Variants in PCSK5 observed in about 807,000 individuals in gnomAD.
PCSK5 encodes the protein proprotein convertase subtilisin/kexin type 5, also known as prohormone convertase 5.
PCSK5 carries 129 observed loss-of-function variants against 233.2 expected under a neutral mutation model. The ratio of observed to expected loss-of-function variants is 0.55; its 90% CI spans 0.48 to 0.64. The LOEUF (loss-of-function observed/expected upper bound fraction) is 0.64. PCSK5 is among the 30% of genes least tolerant of loss of function. PCSK5 has a pLI of 0.00. For synonymous variants in PCSK5, 825 were observed against 879.2 expected (o/e 0.94, Z 1.09); for missense variants, 2,076 against 2,430.1 (o/e 0.85, Z 3.06).
At chr9:75,947,711 C>G (rs1433218228) in intron 2 of PCSK5, among the ~76,000 whole-genome samples, 1 of 152,086 alleles carries the variant, frequency 6.6e-6, no homozygotes, top group Admixed American at 6.6e-5. Flanking sequence ...CACTTTTGTG[C>G]AGAGAAAAAA....
intron 36 of PCSK5, among the ~76,000 whole-genome samples, chr9:76,351,258 C>T (rs1328830080): frequency 6.6e-6 from 1 of 151,844 alleles, no homozygotes; most frequent in Admixed American, 6.6e-5. Flanking sequence ...ATACAAACTA[C>T]CTTCTCTCTT....
chr9:76,354,467 A>C (rs534919928), intron 37 of PCSK5, among the ~76,000 whole-genome samples: 2 of 152,222 alleles, frequency 1.3e-5, no homozygotes, highest in Non-Finnish European at 2.9e-5. Flanking sequence ...TGCCAAGTCC[A>C]TACCAATATT....
intron 20 of PCSK5, among the ~76,000 whole-genome samples, chr9:76,191,056 C>CT (rs1256779159): frequency 6.8e-6 from 1 of 147,578 alleles, no homozygotes; most frequent in Non-Finnish European, 1.5e-5. Flanking sequence ...ATTTTGTGAA[C>CT]TTTTTTGACT....
chr9:75,959,262 T>C (rs762028088), intron 2 of PCSK5, among the ~76,000 whole-genome samples: 6 of 152,110 alleles, frequency 3.9e-5, no homozygotes, highest in African/African-American at 7.2e-5. Context: ...GGAAGAAGAC[T>C]GGGGAAACTT....
chr9:76,277,186 C>T (rs1827719577), intron 24 of PCSK5, among the ~76,000 whole-genome samples: 1 of 152,164 alleles, frequency 6.6e-6, no homozygotes, highest in Admixed American at 6.5e-5. Context: ...GATCATGCCA[C>T]TGCACTCCAG....
At chr9:76,211,065 G>A (rs1426342256) in intron 20 of PCSK5, among the ~76,000 whole-genome samples, 2 of 152,216 alleles carry the variant, frequency 1.3e-5, no homozygotes, top group Admixed American at 1.3e-4. Flanking sequence ...AAGTATCCAG[G>A]TGGAGAATCC....
rs750666883 is a variant in PCSK5, at chr9:76,338,243, A to C, written c.4762A>C (p.Asn1588His). 1 of 1,611,718 alleles carries C rather than the reference A, an allele frequency of 6.2e-7. No individual in the cohort carries two copies. Among genetic ancestry groups the C allele is most frequent in the South Asian group, 1.1e-5 (1 of 90,860 alleles). The change falls in exon 35 of 38, where the codon AAC becomes CAC. Residue 1588 changes from asparagine (N) to histidine (H), a missense_variant. Around this residue, in one of 6 missense-constraint regions of PCSK5, gnomAD observed 1,510 missense variants for 1,538.1 expected, o/e 0.98. Coordinates refer to ENST00000674117, the MANE Select transcript of PCSK5 (RefSeq NM_001372043.1). ...CTTTGGTTTCAGATATTACGCAGAC[A>C]ACTCCACTGGCCGGTGTGAGAGGTG... ...LQCREGYYADNSTGRCERCNR... is the reference protein window; with the variant it reads ...LQCREGYYADHSTGRCERCNR...
Position 76,360,720 on chromosome 9 carries a change from C to T in PCSK5, c.*1798C>T, listed in dbSNP as rs575642178. The T allele has an allele frequency of 2.0e-5, 3 of 152,292 alleles. No individual in the cohort carries two copies. The highest frequency in any genetic ancestry group is 6.5e-5 in the Admixed American group (1 of 15,300). 9.4% of individuals were successfully genotyped at this position (152,292 alleles called of 1,614,324 possible). Reference sequence around the variant, plus strand: ...GCTTTCTTGGCCAGAAAGTCTCTGTCATAACCACTCAGCTCTGCTATTATA... The same window carrying T: ...GCTTTCTTGGCCAGAAAGTCTCTGTTATAACCACTCAGCTCTGCTATTATA... On this transcript the variant is annotated 3_prime_UTR_variant, in exon 38 of 38. Coordinates refer to ENST00000674117, the MANE Select transcript of PCSK5 (RefSeq NM_001372043.1).
At chr9:76,096,446 CTG>C (rs1440791740) in intron 8 of PCSK5, among the ~76,000 whole-genome samples, 12 of 152,290 alleles carry the variant, frequency 7.9e-5, no homozygotes, top group Non-Finnish European at 1.5e-4. Flanking sequence ...ACTCCTATCA[CTG>C]TGTTTCCGCA....
Position 76,323,004 on chromosome 9 carries a change from C to T in PCSK5, c.4103-48C>T, listed in dbSNP as rs757067532. On this transcript the variant is annotated intron_variant, in intron 31 of 37. Transcript: ENST00000674117. The stretch of plus-strand genomic sequence containing the variant: ...CTAGCCTACTGCAGACAATGAATTC[C>T]TTTCTCCTACCCCCCGGGGATAACT... 92 of 1,062,322 alleles carry T rather than the reference C, an allele frequency of 8.7e-5. 1 individual carries two copies. The African/African-American group carries it at 1.0e-3, about 12-fold the overall frequency. 65.8% of individuals were successfully genotyped at this position (1,062,322 alleles called of 1,614,324 possible). A position where few individuals can be genotyped will look rare whatever the true frequency, so the allele number is the denominator to read the frequency against.
chr9:76,330,812 A>G (rs1032356694), intron 33 of PCSK5, among the ~76,000 whole-genome samples: 1 of 152,118 alleles, frequency 6.6e-6, no homozygotes, highest in East Asian at 1.9e-4. Flanking sequence ...CTCCTGGTCC[A>G]CAAATCTCTG....
intron 14 of PCSK5, among the ~76,000 whole-genome samples, chr9:76,177,017 C>T (rs543223272): frequency 1.6e-4 from 25 of 152,254 alleles, no homozygotes; most frequent in Admixed American, 1.2e-3. Flanking sequence ...AGGCCAGGTG[C>T]GGTGGCCCAC....
intron 3 of PCSK5, among the ~76,000 whole-genome samples, chr9:76,009,902 A>G (rs1827657197): frequency 6.6e-6 from 1 of 152,154 alleles, no homozygotes; most frequent in Non-Finnish European, 1.5e-5. Flanking sequence ...AGAGAAGGCA[A>G]ACTGTCTCCT....
intron 1 of PCSK5, among the ~76,000 whole-genome samples, chr9:75,915,302 T>C (rs1011692151): frequency 6.6e-6 from 1 of 152,204 alleles, no homozygotes; most frequent in Non-Finnish European, 1.5e-5. Flanking sequence ...GCATCCATCA[T>C]GTTGAGCAGC....
chr9:76,321,768 G>A, intron 31 of PCSK5, 129 bp downstream of exon 31: 1 of 616,668 alleles, frequency 1.6e-6, no homozygotes, highest in Non-Finnish European at 2.9e-6. Context: ...GTATGTCTCT[G>A]TGCCTGTCAT....
At position 76,173,496 on chromosome 9, in the gene PCSK5, CT is replaced by C. The variant is rs59248860; in HGVS notation, c.1757-1454del. ...CTTTAATGAAATGGAGGCACGTTTC[CT>C]TTTTTTTTTTTTTTTTTTTTTTTTT... is the stretch of plus-strand genomic sequence containing the variant. On this transcript the variant is annotated intron_variant, in intron 13 of 37. Transcript: ENST00000674117. Among the ~76,000 whole-genome samples, 261 of 60,936 alleles carry C rather than the reference CT, an allele frequency of 4.3e-3. 2 individuals carry two copies. The highest frequency in any genetic ancestry group is 6.6e-3 in the East Asian group (14 of 2,122). 40.0% of individuals were successfully genotyped at this position (60,936 alleles called of 152,430 possible). A position where few individuals can be genotyped will look rare whatever the true frequency, so the allele number is the denominator to read the frequency against.
intron 9 of PCSK5, among the ~76,000 whole-genome samples, chr9:76,110,393 T>C (rs1007221488): frequency 3.3e-5 from 5 of 152,246 alleles, no homozygotes; most frequent in African/African-American, 1.2e-4. Context: ...TACTCAGTCA[T>C]AGGAACATTA....
chr9:76,094,258 T>C (rs1006170561), intron 7 of PCSK5, among the ~76,000 whole-genome samples: 9 of 152,136 alleles, frequency 5.9e-5, no homozygotes, highest in African/African-American at 2.2e-4. Flanking sequence ...TCTTCGGCTC[T>C]TTTTCCAGAA....
At chr9:75,934,685 G>A (rs1041663801) in intron 2 of PCSK5, among the ~76,000 whole-genome samples, 3 of 151,700 alleles carry the variant, frequency 2.0e-5, no homozygotes, top group Admixed American at 6.6e-5. Flanking sequence ...GGGTTCAAGC[G>A]ATTCTCCTGC....
Sources: gnomAD v4.1 joint callset for allele counts (sites outside exome capture counted in the v4.1 genomes callset) on GRCh38, gnomAD v4.1.1 for gene constraint, gnomAD v4.1.1 regional missense constraint, MANE v1.5 for transcripts, NCBI Gene and HGNC (gene_info 2026-07-23, HGNC 2026-07-21) for gene names.